The following FNDC3B variants were observed in gnomAD, a reference collection of about 807,000 sequenced individuals.
The protein encoded by FNDC3B is fibronectin type III domain-containing protein 3B.
Under a neutral mutation model 151.5 loss-of-function variants are expected in FNDC3B, and 12 were observed. The observed-to-expected ratio is 0.08, with a 90% CI of 0.05 to 0.13. The LOEUF is 0.13. Ranked by LOEUF, FNDC3B falls within the 10% of genes least tolerant of loss-of-function variation. FNDC3B has a pLI of 1.00. For synonymous variants in FNDC3B, 528 were observed against 549.0 expected (o/e 0.96, Z 0.54); for missense variants, 1,214 against 1,505.3 (o/e 0.81, Z 3.20).
At chr3:172,350,142 A>G (rs900541074) in intron 21 of FNDC3B, among the ~76,000 whole-genome samples, 19 of 152,192 alleles carry the variant, frequency 1.2e-4, no homozygotes, top group Non-Finnish European at 2.6e-4. Context: ...TTTGTTCATA[A>G]TTTTCCCAGT....
At chr3:172,301,928 A>G (rs936868293) in intron 9 of FNDC3B, 2 of 152,182 alleles carry the variant, frequency 1.3e-5, no homozygotes, top group African/African-American at 4.8e-5. Flanking sequence ...TTAGAAAGTG[A>G]TGGAAGTCTG....
At chr3:172,157,830 G>A (rs1722571692) in intron 3 of FNDC3B, among the ~76,000 whole-genome samples, 1 of 152,062 alleles carries the variant, frequency 6.6e-6, no homozygotes, top group Admixed American at 6.6e-5. Context: ...TAGTTTTTTG[G>A]GATAAATGCC....
intron 1 of FNDC3B, among the ~76,000 whole-genome samples, chr3:172,106,730 G>A (rs538437536): frequency 4.5e-4 from 68 of 152,260 alleles, no homozygotes; most frequent in African/African-American, 1.4e-3. Context: ...TGCAGGTGGG[G>A]GCTGCAGTTC....
In FNDC3B at chr3:172,397,313, A is replaced by G; in HGVS notation, c.3453A>G (p.Gln1151=). The change falls in exon 26 of 26, where the codon CAA becomes CAG. Residue 1151 remains glutamine (Q), a synonymous_variant. Coordinates refer to ENST00000415807, the MANE Select transcript of FNDC3B (RefSeq NM_022763.4). ...GCCCCTCTGCGGCTTTTGTATTACA[A>G]CGAAGTGAGGTCATGCTTACAGGGG... ...AFSPSAAFVL[Q]RSEVMLTGDM... 2 of 1,614,170 alleles carry G rather than the reference A, an allele frequency of 1.2e-6. No homozygotes were observed. Among genetic ancestry groups the G allele is most frequent in the East Asian group, 2.2e-5 (1 of 44,882 alleles).
rs28487951 is a variant in FNDC3B at position 172,296,929 on chromosome 3, G to T, written c.1001+1415G>T. Among the ~76,000 whole-genome samples the T allele has an allele frequency of 7.0e-3, 1,063 of 152,248 alleles. 16 individuals are homozygous for T. Among genetic ancestry groups the T allele is most frequent in the African/African-American group, 0.025 (1,020 of 41,536 alleles). On this transcript the variant is annotated intron_variant, in intron 8 of 25. Transcript: ENST00000415807. ...CTGGTACTGATTCCTTGTGTATACT[G>T]CGGGACAACTGTGGATAGAGTCTTT...
intron 1 of FNDC3B, among the ~76,000 whole-genome samples, chr3:172,063,055 G>A (rs979384597): frequency 2.0e-5 from 3 of 152,084 alleles, no homozygotes; most frequent in African/African-American, 7.2e-5. Context: ...ATCCATTGCT[G>A]TCCTTTCTTT....
At chr3:172,152,567 C>A (rs1288996727) in intron 3 of FNDC3B, among the ~76,000 whole-genome samples, 1 of 141,610 alleles carries the variant, frequency 7.1e-6, no homozygotes, top group South Asian at 2.2e-4. Flanking sequence ...TCACATTCTC[C>A]ATGGGAAGGG....
At chr3:172,293,464 T>A (rs1730444261) in intron 7 of FNDC3B, among the ~76,000 whole-genome samples, 1 of 152,198 alleles carries the variant, frequency 6.6e-6, no homozygotes, top group Non-Finnish European at 1.5e-5. Flanking sequence ...TTTCCCTAGA[T>A]TTTTTATTCA....
intron 9 of FNDC3B, among the ~76,000 whole-genome samples, chr3:172,304,494 C>T (rs1409454090): frequency 6.6e-6 from 1 of 152,220 alleles, no homozygotes; most frequent in Non-Finnish European, 1.5e-5. Context: ...AGTCTCAGTG[C>T]TGTGGAGACA....
At chr3:172,326,853 AAGG>A (rs1357138157) in intron 11 of FNDC3B, among the ~76,000 whole-genome samples, 1 of 152,174 alleles carries the variant, frequency 6.6e-6, no homozygotes, top group African/African-American at 2.4e-5. Context: ...GAAAAGGGGA[AAGG>A]AGACCAAATA....
At chr3:172,327,587 G>A (rs1732422969) in intron 11 of FNDC3B, among the ~76,000 whole-genome samples, 1 of 152,162 alleles carries the variant, frequency 6.6e-6, no homozygotes, top group African/African-American at 2.4e-5. Context: ...TGTATTTTTA[G>A]TACAGATGTG....
At chr3:172,115,551 G>A (rs532068462) in intron 2 of FNDC3B, among the ~76,000 whole-genome samples, 24 of 152,322 alleles carry the variant, frequency 1.6e-4, no homozygotes, top group African/African-American at 5.8e-4. Context: ...ACATACCAGA[G>A]AAAGTGATCT....
chr3:172,342,976 C>T, intron 17 of FNDC3B, 35 bp from the exon 18 acceptor site: 1 of 1,297,964 alleles, frequency 7.7e-7, no homozygotes. Context: ...TTCACAGTAA[C>T]TAAGAGATGG....
chr3:172,251,937 A>G (rs1364757505), intron 6 of FNDC3B, among the ~76,000 whole-genome samples: 1 of 152,248 alleles, frequency 6.6e-6, no homozygotes, highest in Non-Finnish European at 1.5e-5. Context: ...AACCATACGT[A>G]ATTACTTCCT....
At chr3:172,332,419 T>C (rs1395751003) in intron 13 of FNDC3B, among the ~76,000 whole-genome samples, 1 of 152,238 alleles carries the variant, frequency 6.6e-6, no homozygotes, top group Non-Finnish European at 1.5e-5. Context: ...CTTAACACCA[T>C]GTGACATACA....
At chr3:172,387,637 A>G (rs560947748) in intron 25 of FNDC3B, among the ~76,000 whole-genome samples, 176 of 152,318 alleles carry the variant, frequency 1.2e-3, no homozygotes, top group Non-Finnish European at 2.0e-3. Flanking sequence ...ATGACCCCTT[A>G]TATCAGAAAA....
chr3:172,125,611 C>G (rs896019577), intron 2 of FNDC3B, among the ~76,000 whole-genome samples: 4 of 152,152 alleles, frequency 2.6e-5, no homozygotes, highest in Non-Finnish European at 4.4e-5. Context: ...CTAGATGCAG[C>G]TTTGAGACTA....
intron 11 of FNDC3B, among the ~76,000 whole-genome samples, chr3:172,311,451 G>A (rs1465311470): frequency 1.3e-5 from 2 of 152,222 alleles, no homozygotes; most frequent in African/African-American, 2.4e-5. Context: ...CTACGGTGGA[G>A]TGTCCTTATT....
intron 24 of FNDC3B, among the ~76,000 whole-genome samples, chr3:172,380,056 A>G (rs1224827977): frequency 7.1e-6 from 1 of 140,358 alleles, no homozygotes; most frequent in Non-Finnish European, 1.6e-5. Context: ...TTTCCAGCGT[A>G]GGCTCCTTTT....
Sources: allele counts gnomAD v4.1 joint callset (sites outside exome capture counted in the v4.1 genomes callset), GRCh38; gene constraint gnomAD v4.1.1; transcripts MANE v1.5; gene names NCBI Gene and HGNC (gene_info 2026-07-23, HGNC 2026-07-21).